The following SNX29 variants were observed in gnomAD, a reference collection of about 807,000 sequenced individuals.
SNX29 encodes the protein sorting nexin 29, also known as sorting nexin-29.
Under a neutral mutation model 102.1 loss-of-function variants are expected in SNX29, and 78 were observed. The ratio of observed to expected loss-of-function variants is 0.76; its 90% CI spans 0.64 to 0.92. The LOEUF (loss-of-function observed/expected upper bound fraction) is 0.92, where lower values mean the gene tolerates loss of function less well. SNX29 is among the 40% of genes least tolerant of loss of function. The pLI is 0.00. For missense variants in SNX29, 1,280 were observed against 1,061.7 expected (o/e 1.21, Z -2.86); for synonymous variants, 580 against 414.5 (o/e 1.40, Z -4.85).
At chr16:12,398,650 C>CG in intron 17 of SNX29, 149 bp downstream of exon 17, 7 of 831,494 alleles carry the variant, frequency 8.4e-6, no homozygotes, top group South Asian at 1.6e-5. Context: ...GTAGGAGTCG[C>CG]TCTCCTACAG....
intron 3 of SNX29, among the ~76,000 whole-genome samples, chr16:12,007,875 C>G (rs758043957): frequency 6.6e-6 from 1 of 152,240 alleles, no homozygotes; most frequent in Non-Finnish European, 1.5e-5. Flanking sequence ...GCCTGGAGGC[C>G]TCACATGCCC....
intron 13 of SNX29, among the ~76,000 whole-genome samples, chr16:12,171,971 G>A (rs2076159394): frequency 6.6e-6 from 1 of 152,294 alleles, no homozygotes; most frequent in South Asian, 2.1e-4. Flanking sequence ...AGGATGCGGT[G>A]AGAATTCTGA....
In SNX29 at chr16:12,568,415, C is replaced by G. The variant is rs537965549; in HGVS notation, c.2319-91C>G. ...CCAGTCACAGTTGCCAATCAGATCC[C>G]TCCTGCCCTCACACCTGGCTCCCCT... On this transcript the variant is annotated intron_variant, in intron 20 of 20. Transcript: ENST00000566228. The G allele has an allele frequency of 5.2e-6, 8 of 1,549,166 alleles. No homozygotes were observed. In the East Asian group the frequency reaches 6.8e-5, roughly 13 times the overall value.
intron 13 of SNX29, among the ~76,000 whole-genome samples, chr16:12,146,262 A>AT (rs112354273): frequency 0.036 from 5,134 of 143,692 alleles, 183 homozygotes; most frequent in African/African-American, 0.092. Context: ...AAAGTATATG[A>AT]TTTTTTTTTT....
At chr16:11,992,722 C>T (rs1307975884) in intron 1 of SNX29, among the ~76,000 whole-genome samples, 4 of 152,222 alleles carry the variant, frequency 2.6e-5, no homozygotes, top group African/African-American at 9.6e-5. Context: ...GAATTCCTCG[C>T]ACACAGTGGG....
intron 13 of SNX29, among the ~76,000 whole-genome samples, chr16:12,193,603 C>G (rs1030406786): frequency 6.6e-6 from 1 of 152,148 alleles, no homozygotes; most frequent in Non-Finnish European, 1.5e-5. Flanking sequence ...TTTTCTCCAA[C>G]ATTTTCTTCT....
At chr16:12,074,488 T>C (rs1308206588) in intron 10 of SNX29, among the ~76,000 whole-genome samples, 5 of 152,224 alleles carry the variant, frequency 3.3e-5, no homozygotes, top group Admixed American at 1.3e-4. Flanking sequence ...TGTTGAATAT[T>C]GGCCCCCACT....
chr16:12,203,967 G>T (rs1465302075), intron 14 of SNX29, among the ~76,000 whole-genome samples: 1 of 152,120 alleles, frequency 6.6e-6, no homozygotes, highest in Non-Finnish European at 1.5e-5. Context: ...CTGTGATGTC[G>T]GTGGCTTCAT....
chr16:12,023,872 C>G (rs1397340284), intron 3 of SNX29, among the ~76,000 whole-genome samples: 2 of 152,136 alleles, frequency 1.3e-5, no homozygotes, highest in Non-Finnish European at 2.9e-5. Context: ...ACCGTTTATA[C>G]GAAATCTCCT....
intron 20 of SNX29, among the ~76,000 whole-genome samples, chr16:12,545,821 C>T (rs113729604): frequency 1.3e-5 from 2 of 152,080 alleles, no homozygotes; most frequent in Admixed American, 6.6e-5. Context: ...ACTGACTCTC[C>T]AGACCTGTGG....
chr16:11,979,751 G>T lies in SNX29; in HGVS notation c.7+2938G>T, dbSNP rs146411713. Among the ~76,000 whole-genome samples the T allele has an allele frequency of 4.9e-3, 746 of 152,012 alleles. 7 individuals are homozygous for T. Among genetic ancestry groups the T allele is most frequent in the African/African-American group, 0.017 (714 of 41,474 alleles). ...GACATGTACCACCATGCCCGGCTGA[G>T]TTTTGTATTTTTAGTAGAGATGGAG... On this transcript the variant is annotated intron_variant, in intron 1 of 20. Coordinates refer to ENST00000566228, the MANE Select transcript of SNX29 (RefSeq NM_032167.5).
At chr16:12,136,721 T>C (rs1437283950) in intron 13 of SNX29, among the ~76,000 whole-genome samples, 1 of 143,414 alleles carries the variant, frequency 7.0e-6, no homozygotes, top group Non-Finnish European at 1.5e-5. Flanking sequence ...TATAACATTT[T>C]AGGAAAGGTT....
At chr16:12,094,687 C>G (rs2052697252) in intron 11 of SNX29, among the ~76,000 whole-genome samples, 1 of 152,152 alleles carries the variant, frequency 6.6e-6, no homozygotes, top group African/African-American at 2.4e-5. Context: ...CCGGCATCTG[C>G]TAAGTAGAGC....
chr16:12,322,655 G>C (rs2080976788), intron 15 of SNX29, among the ~76,000 whole-genome samples: 1 of 152,118 alleles, frequency 6.6e-6, no homozygotes, highest in Admixed American at 6.5e-5. Flanking sequence ...CCTCTATTAG[G>C]ATGCAGTCAC....
At chr16:12,422,772 C>G (rs2084921326) in intron 18 of SNX29, among the ~76,000 whole-genome samples, 1 of 152,226 alleles carries the variant, frequency 6.6e-6, no homozygotes, top group African/African-American at 2.4e-5. Context: ...CACATGGCCG[C>G]CAGCTCAGCT....
Position 12,481,395 on chromosome 16 carries a change from TACACACAC to T in SNX29, c.2178+3546_2178+3553del, listed in dbSNP as rs149352429. Among the ~76,000 whole-genome samples the T allele has an allele frequency of 2.7e-5, 4 of 149,830 alleles. No individual in the cohort carries two copies. In the South Asian group the frequency reaches 8.4e-4, roughly 32 times the overall value. On this transcript the variant is annotated intron_variant, in intron 19 of 20. Transcript: ENST00000566228. ...TGTCTTTTATACATATATATATATATACACACACACACACACATATACATACACACATA... is the reference window on the plus strand; with the variant it reads ...TGTCTTTTATACATATATATATATATACACACACATATACATACACACATA...
intron 11 of SNX29, among the ~76,000 whole-genome samples, chr16:12,117,032 T>C (rs997535496): frequency 6.8e-6 from 1 of 147,886 alleles, no homozygotes; most frequent in Non-Finnish European, 1.5e-5. Flanking sequence ...GGACGAACCA[T>C]GGAAACAGGC....
chr16:12,250,923 G>C (rs551512286), intron 14 of SNX29, among the ~76,000 whole-genome samples: 1 of 152,350 alleles, frequency 6.6e-6, no homozygotes, highest in East Asian at 1.9e-4. Context: ...CGGTACTGCA[G>C]TTACTCCTGC....
At chr16:12,160,261 G>A (rs954480130) in intron 13 of SNX29, among the ~76,000 whole-genome samples, 4 of 152,192 alleles carry the variant, frequency 2.6e-5, no homozygotes, top group African/African-American at 4.8e-5. Flanking sequence ...GCTGAGGGGC[G>A]TCAGGGGGCA....
Sources: allele counts gnomAD v4.1 joint callset (sites outside exome capture counted in the v4.1 genomes callset), GRCh38; gene constraint gnomAD v4.1.1; transcripts MANE v1.5; gene names NCBI Gene and HGNC (gene_info 2026-07-23, HGNC 2026-07-21).